The following CR1 variants were observed in gnomAD, a reference collection of about 807,000 sequenced individuals.
CR1 encodes the protein complement receptor type 1.
CR1 carries 116 observed loss-of-function variants against 187.3 expected under a neutral mutation model. The ratio of observed to expected loss-of-function variants is 0.62; its 90% CI spans 0.53 to 0.72. CR1 has a LOEUF of 0.72. Ranked by LOEUF, CR1 falls within the 30% of genes least tolerant of loss-of-function variation. The pLI, the probability that CR1 is intolerant of heterozygous loss-of-function variation, is 0.00. For synonymous variants in CR1, 576 were observed against 747.1 expected, an observed-to-expected ratio of 0.77 and a Z score of 3.73; for missense variants, 1,731 against 2,110.7, an observed-to-expected ratio of 0.82 and a Z score of 3.52.
chr1:207,632,942 G>A (rs1662696295), intron 46 of CR1, among the ~76,000 whole-genome samples: 2 of 152,144 alleles, frequency 1.3e-5, no homozygotes, highest in South Asian at 4.1e-4. Flanking sequence ...GGAAAAGTCA[G>A]GCAGAACTGA....
intron 1 of CR1, among the ~76,000 whole-genome samples, chr1:207,504,517 C>G (rs1008405866): frequency 6.6e-6 from 1 of 151,362 alleles, no homozygotes; most frequent in Non-Finnish European, 1.5e-5. Context: ...TCTAGTAAGA[C>G]AAGTACTCCC....
At chr1:207,587,319 A>C in intron 33 of CR1, 67 bp from the exon 34 acceptor site, 2 of 1,366,326 alleles carry the variant, frequency 1.5e-6, no homozygotes, top group Non-Finnish European at 2.0e-6. Flanking sequence ...GCTTAATTGA[A>C]GAGAAAGAGG....
chr1:207,574,659 T>C (rs1390036053), intron 27 of CR1, among the ~76,000 whole-genome samples: 1 of 152,048 alleles, frequency 6.6e-6, no homozygotes, highest in East Asian at 1.9e-4. Context: ...AACTAGAAAA[T>C]GTGAGACAGC....
intron 5 of CR1, among the ~76,000 whole-genome samples, chr1:207,525,769 A>G (rs1265411750): frequency 6.6e-6 from 1 of 151,970 alleles, no homozygotes; most frequent in African/African-American, 2.4e-5. Context: ...CAGCACCTCA[A>G]TATTACATCA....
chr1:207,614,403 G>A lies in CR1; in HGVS notation c.6576-1G>A, dbSNP rs1195276847. 4.4e-6 allele frequency: 7 copies of A among 1,608,412 alleles called. No homozygotes were observed. Among genetic ancestry groups the A allele is most frequent in the Middle Eastern group, 1.7e-4 (1 of 6,056 alleles). ...TTTGCTACCACTTTTTTTTTCTTTA[G>A]GTTCCGATTAAAAGGCAGGTCTGCT... On this transcript the variant is annotated splice_acceptor_variant, in intron 39 of 46. Transcript: ENST00000367049. LOFTEE classifies it high-confidence loss of function.
intron 5 of CR1, 126 bp downstream of exon 5, chr1:207,524,135 A>G: frequency 6.4e-7 from 1 of 1,574,568 alleles, no homozygotes; most frequent in Non-Finnish European, 8.6e-7. Context: ...TTTTCTAGGT[A>G]GTGAACATGA....
At chr1:207,504,976 CAT>C (rs1468783631) in intron 1 of CR1, among the ~76,000 whole-genome samples, 1 of 152,128 alleles carries the variant, frequency 6.6e-6, no homozygotes, top group Non-Finnish European at 1.5e-5. Flanking sequence ...GTGAACTGTG[CAT>C]ATGAGGGATC....
chr1:207,565,915 T>A lies in CR1; in HGVS notation c.3944T>A (p.Val1315Glu). 1.2e-6 allele frequency: 2 copies of A among 1,611,176 alleles called. 1 individual carries two copies. Among genetic ancestry groups the A allele is most frequent in the Non-Finnish European group, 1.7e-6 (2 of 1,179,734 alleles). Residue 1315 changes from valine (V) to glutamate (E), a missense_variant, in exon 24 of 47, where the codon GTG becomes GAG. Physicochemically the swap from Val to Glu is moderately radical, Grantham distance 121. Around this residue, in one of 5 missense-constraint regions of CR1, gnomAD observed 1,312 missense variants for 1,379.6 expected, o/e 0.95. Coordinates refer to ENST00000367049, the MANE Select transcript of CR1 (RefSeq NM_000651.6). ...MESLWNSSVPVCEQIFCPSPP... is the reference protein window; with the variant it reads ...MESLWNSSVPECEQIFCPSPP... ...AGCCTTTGGAATAGCAGTGTTCCAG[T>A]GTGTGAACGTGAGTAATAGGAGCAA...
intron 46 of CR1, among the ~76,000 whole-genome samples, chr1:207,631,665 G>C (rs1571620520): frequency 6.6e-6 from 1 of 151,920 alleles, no homozygotes; most frequent in African/African-American, 2.4e-5. Flanking sequence ...TCAGACTCTC[G>C]GGCTTCTTGC....
At chr1:207,574,696 A>G (rs749175203) in intron 27 of CR1, among the ~76,000 whole-genome samples, 12 of 152,248 alleles carry the variant, frequency 7.9e-5, no homozygotes, top group Non-Finnish European at 1.2e-4. Flanking sequence ...AACTTACATT[A>G]CAGAAAAGAT....
intron 1 of CR1, among the ~76,000 whole-genome samples, chr1:207,501,042 G>A (rs887737835): frequency 6.6e-6 from 1 of 152,110 alleles, no homozygotes; most frequent in African/African-American, 2.4e-5. Flanking sequence ...TTATACAATA[G>A]GATATAAATG....
At chr1:207,524,562 A>AT (rs1320752231) in intron 5 of CR1, among the ~76,000 whole-genome samples, 14 of 151,812 alleles carry the variant, frequency 9.2e-5, no homozygotes, top group Admixed American at 9.2e-4. Context: ...TTTTTTATAT[A>AT]TTTTTTGTAG....
At chr1:207,503,240 G>T (rs1231864551) in intron 1 of CR1, among the ~76,000 whole-genome samples, 1 of 152,124 alleles carries the variant, frequency 6.6e-6, no homozygotes, top group Non-Finnish European at 1.5e-5. Flanking sequence ...TAAGCGGTTT[G>T]CCTAAGACCT....
intron 35 of CR1, among the ~76,000 whole-genome samples, chr1:207,594,839 T>A (rs976379650): frequency 3.3e-5 from 5 of 152,070 alleles, no homozygotes; most frequent in Non-Finnish European, 7.4e-5. Flanking sequence ...TGAACATAGA[T>A]TTCCCTATGG....
chr1:207,506,119 C>T (rs776607032), intron 2 of CR1, 36 bp downstream of exon 2: 1 of 1,601,046 alleles, frequency 6.2e-7, no homozygotes, highest in Non-Finnish European at 8.5e-7. Flanking sequence ...CCCTGTTAGT[C>T]AAACATCTGT....
intron 5 of CR1, among the ~76,000 whole-genome samples, chr1:207,525,888 T>C (rs1295471014): frequency 2.6e-5 from 4 of 151,932 alleles, no homozygotes; most frequent in Non-Finnish European, 5.9e-5. Context: ...TCTATTCCAA[T>C]CCCCCATTTG....
At chr1:207,501,014 A>T (rs992275436) in intron 1 of CR1, among the ~76,000 whole-genome samples, 5 of 152,190 alleles carry the variant, frequency 3.3e-5, no homozygotes, top group African/African-American at 9.7e-5. Flanking sequence ...CCATAAAAAA[A>T]AACCTGAGTG....
intron 1 of CR1, among the ~76,000 whole-genome samples, chr1:207,496,863 G>A (rs1659104457): frequency 6.6e-6 from 1 of 152,210 alleles, no homozygotes; most frequent in Non-Finnish European, 1.5e-5. Context: ...TCTGCATCGT[G>A]GAGTTGCTGC....
At position 207,506,715 on chromosome 1, in the gene CR1, T is replaced by G. The variant is rs777178887; in HGVS notation, c.303T>G (p.Arg101=). The change falls in exon 3 of 47, where the codon CGT becomes CGG. Residue 101 remains arginine, a splice_region_variant and synonymous_variant. Transcript: ENST00000367049. ...VWTGAKDRCR[R]KSCRNPPDPV... ...CAAAATTCTGTTTCTTTCCTGTAGG[T>G]AAATCATGTCGTAATCCTCCAGATC... 1.9e-6 allele frequency: 3 copies of G among 1,613,314 alleles called. No individual in the cohort carries two copies. The African/African-American group carries it at 4.0e-5, about 22-fold the overall frequency.
Sources: gnomAD v4.1 joint callset for allele counts (sites outside exome capture counted in the v4.1 genomes callset) on GRCh38, gnomAD v4.1.1 for gene constraint, gnomAD v4.1.1 regional missense constraint, MANE v1.5 for transcripts, NCBI Gene and HGNC (gene_info 2026-07-23, HGNC 2026-07-21) for gene names.